SQOR: variants seen among roughly 807,000 people sequenced by gnomAD.
SQOR encodes sulfide:quinone oxidoreductase, mitochondrial.
A neutral mutation model predicts 48.6 loss-of-function variants in SQOR; 39 were observed. The observed-to-expected ratio is 0.80, with a 90% CI of 0.62 to 1.05. The LOEUF (loss-of-function observed/expected upper bound fraction) is 1.05. Ranked by LOEUF, SQOR falls within the 50% of genes least tolerant of loss-of-function variation. The pLI, the probability that SQOR is intolerant of heterozygous loss-of-function variation, is 0.00. For missense variants in SQOR, 561 were observed against 559.9 expected, an observed-to-expected ratio of 1.00 and a Z score of -0.02; for synonymous variants, 220 against 206.2, an observed-to-expected ratio of 1.07 and a Z score of -0.57.
intron 1 of SQOR, among the ~76,000 whole-genome samples, chr15:45,641,841 A>C (rs1296540843): frequency 6.6e-6 from 1 of 152,200 alleles, no homozygotes; most frequent in African/African-American, 2.4e-5. Flanking sequence ...ACAAGTGGAT[A>C]TAATGTCATC....
rs1454160108 is a variant in SQOR, at chr15:45,665,774, G to A, written c.405+3649G>A. Among the ~76,000 whole-genome samples, 3 of 152,146 alleles carry A rather than the reference G, an allele frequency of 2.0e-5. 1 individual carries two copies. The highest frequency in any genetic ancestry group is 7.2e-5 in the African/African-American group (3 of 41,428). On this transcript the variant is annotated intron_variant, in intron 3 of 9. Coordinates refer to ENST00000260324, the MANE Select transcript of SQOR (RefSeq NM_021199.4). ...AATTTTTGTGTTTTTAGTAGAGACA[G>A]GGTTTTGCCATGTTGGCCAGGCTGG...
At chr15:45,661,540 C>G (rs1490517691) in intron 2 of SQOR, among the ~76,000 whole-genome samples, 1 of 152,116 alleles carries the variant, frequency 6.6e-6, no homozygotes, top group Non-Finnish European at 1.5e-5. Flanking sequence ...ACTTTCCAGA[C>G]TTACCACTGT....
At chr15:45,660,068 C>T (rs561189080) in intron 2 of SQOR, among the ~76,000 whole-genome samples, 2 of 152,288 alleles carry the variant, frequency 1.3e-5, no homozygotes, top group South Asian at 4.1e-4. Flanking sequence ...CTGAGTAAGG[C>T]GCTGTCTCAC....
At position 45,688,339 on chromosome 15, in the gene SQOR, G is replaced by T. The variant is rs376762969; in HGVS notation, c.1051G>T (p.Ala351Ser). Reference sequence around the variant, plus strand: ...TGACTTTCCCATTTCTCTTATAGCTGCCCAGTCAGGAATACTTGATAGGAC... The same window carrying T: ...TGACTTTCCCATTTCTCTTATAGCTTCCCAGTCAGGAATACTTGATAGGAC... ...PTSKTAAAVAAQSGILDRTIS... is the reference protein window; with the variant it reads ...PTSKTAAAVASQSGILDRTIS... The change falls in exon 8 of 10, where the codon GCC becomes TCC. Residue 351 changes from alanine (A) to serine (S), a missense_variant and splice_region_variant. By Grantham distance (99) the Ala-to-Ser change is moderately conservative. Transcript: ENST00000260324. The T allele has an allele frequency of 7.5e-6, 12 of 1,600,496 alleles. No homozygotes were observed. The African/African-American group carries it at 1.6e-4, about 22-fold the overall frequency.
chr15:45,676,120 C>T lies in SQOR; in HGVS notation c.674C>T (p.Ala225Val), dbSNP rs1398138598. ...TCTCAGACAGGGAAGCGATCCAAGG[C>T]CAATATCATTTTCAACACTTCTCTT... is the stretch of plus-strand genomic sequence containing the variant. ...YFRKTGKRSK[A>V]NIIFNTSLGA... Residue 225 changes from alanine (A) to valine (V), a missense_variant, in exon 6 of 10, where the codon GCC (alanine) becomes GTC (valine). Physicochemically the swap from Ala to Val is moderately conservative, Grantham distance 64. Transcript: ENST00000260324. 6.2e-7 allele frequency: 1 copy of T among 1,613,682 alleles called. No homozygotes were observed. The highest frequency in any genetic ancestry group is 1.3e-5 in the African/African-American group (1 of 74,802).
At position 45,669,293 on chromosome 15, in the gene SQOR, C is replaced by G. The variant is rs571753747; in HGVS notation, c.406-635C>G. Among the ~76,000 whole-genome samples, 16 of 152,088 alleles carry G rather than the reference C, an allele frequency of 1.1e-4. No homozygotes were observed. The South Asian group carries it at 2.9e-3, about 28-fold the overall frequency. ...CAAGCGATTCTCCCACTTCAGCCCCCCTGGGGACTACAGGTGCATGCCACC... is the reference window on the plus strand; with the variant it reads ...CAAGCGATTCTCCCACTTCAGCCCCGCTGGGGACTACAGGTGCATGCCACC... On this transcript the variant is annotated intron_variant, in intron 3 of 9. Coordinates refer to ENST00000260324, the MANE Select transcript of SQOR (RefSeq NM_021199.4).
intron 1 of SQOR, among the ~76,000 whole-genome samples, chr15:45,640,581 A>T (rs962481019): frequency 6.6e-6 from 1 of 152,220 alleles, no homozygotes; most frequent in African/African-American, 2.4e-5. Flanking sequence ...TAGCAAATGT[A>T]TACCTTGAAA....
At chr15:45,648,592 G>T (rs1486054912) in intron 1 of SQOR, among the ~76,000 whole-genome samples, 1 of 152,142 alleles carries the variant, frequency 6.6e-6, no homozygotes, top group Non-Finnish European at 1.5e-5. Flanking sequence ...AATTAAATAC[G>T]CCCAGAAAGC....
intron 8 of SQOR, 119 bp downstream of exon 8, chr15:45,688,523 T>G: frequency 1.3e-6 from 1 of 787,176 alleles, no homozygotes; most frequent in South Asian, 2.0e-5. Context: ...TTCTTTTTTT[T>G]TTTTTTGAGA....
chr15:45,664,924 A>G (rs1889786925), intron 3 of SQOR, among the ~76,000 whole-genome samples: 1 of 152,116 alleles, frequency 6.6e-6, no homozygotes, highest in African/African-American at 2.4e-5. Context: ...GACCAGACTG[A>G]ATTACACTCA....
At position 45,681,128 on chromosome 15, in the gene SQOR, A is replaced by G. The variant is rs574497815; in HGVS notation, c.865-1350A>G. Among the ~76,000 whole-genome samples the G allele has an allele frequency of 1.2e-4, 18 of 152,304 alleles. No homozygotes were observed. In the East Asian group the frequency reaches 3.3e-3, roughly 28 times the overall value. ...TGAGGCAGGAGGATTGCTTGAGCCC[A>G]GGGGTTCGAGGCTGTAGTGAGCTAT... On this transcript the variant is annotated intron_variant, in intron 6 of 9. Coordinates refer to ENST00000260324, the MANE Select transcript of SQOR (RefSeq NM_021199.4).
At position 45,682,506 on chromosome 15, in the gene SQOR, T is replaced by A. The variant is rs755505446; in HGVS notation, c.893T>A (p.Met298Lys). ...GAAATGCTTCATGTCACACCTCCAA[T>A]GAGCCCACCAGATGTCCTCAAGACC... ...SYEMLHVTPPMSPPDVLKTSP... is the reference protein window; with the variant it reads ...SYEMLHVTPPKSPPDVLKTSP... Residue 298 changes from methionine to lysine, a missense_variant, in exon 7 of 10, where the codon ATG becomes AAG. Transcript: ENST00000260324. 4.3e-6 allele frequency: 7 copies of A among 1,614,084 alleles called. No individual in the cohort carries two copies. Among genetic ancestry groups the A allele is most frequent in the Admixed American group, 3.3e-5 (2 of 60,006 alleles).
intron 5 of SQOR, among the ~76,000 whole-genome samples, chr15:45,675,633 C>T (rs1432854150): frequency 1.3e-5 from 2 of 152,100 alleles, no homozygotes; most frequent in Non-Finnish European, 2.9e-5. Flanking sequence ...CTCCTGACGT[C>T]AGGTGATCTG....
intron 1 of SQOR, among the ~76,000 whole-genome samples, chr15:45,636,185 A>G (rs1383352160): frequency 6.6e-6 from 1 of 152,176 alleles, no homozygotes; most frequent in Non-Finnish European, 1.5e-5. Context: ...AAAGGAAACC[A>G]ATTGCAAAAC....
intron 9 of SQOR, among the ~76,000 whole-genome samples, chr15:45,689,574 C>T (rs1412442490): frequency 1.3e-4 from 20 of 151,904 alleles, no homozygotes; most frequent in African/African-American, 2.7e-4. Context: ...CCTGCCACCA[C>T]GCCTGGCTAA....
chr15:45,638,879 G>A (rs760947497), intron 1 of SQOR, among the ~76,000 whole-genome samples: 1 of 152,180 alleles, frequency 6.6e-6, no homozygotes, highest in Non-Finnish European at 1.5e-5. Context: ...CACTGAGAAG[G>A]TGGCCATCTG....
chr15:45,655,016 T>C (rs1384386330), intron 1 of SQOR, among the ~76,000 whole-genome samples: 1 of 152,218 alleles, frequency 6.6e-6, no homozygotes, highest in Non-Finnish European at 1.5e-5. Context: ...GCCGCCATCT[T>C]GAACATGATT....
intron 1 of SQOR, among the ~76,000 whole-genome samples, chr15:45,652,206 A>G (rs954569460): frequency 6.6e-6 from 1 of 152,042 alleles, no homozygotes; most frequent in African/African-American, 2.4e-5. Context: ...AAAAAGCTGT[A>G]TGTTTCAGGC....
rs1170234908 is a variant in SQOR, at chr15:45,683,893, TTTG to T, written c.1048+1235_1048+1237del. On this transcript the variant is annotated intron_variant, in intron 7 of 9. Coordinates refer to ENST00000260324, the MANE Select transcript of SQOR (RefSeq NM_021199.4). ...GTGTGTACATATATATATATATATT[TTTG>T]TTTGTTTGTTTGTTTGTTTGTTTTT... 1.7e-3 allele frequency among the ~76,000 whole-genome samples: 105 copies of T among 62,496 alleles called. 1 individual carries two copies. The highest frequency in any genetic ancestry group is 5.1e-3 in the Non-Finnish European group (85 of 16,638). 41.0% of individuals were successfully genotyped at this position (62,496 alleles called of 152,430 possible). A position where few individuals can be genotyped will look rare whatever the true frequency, so the allele number is the denominator to read the frequency against.
Sources: allele counts gnomAD v4.1 joint callset (sites outside exome capture counted in the v4.1 genomes callset), GRCh38; gene constraint gnomAD v4.1.1; transcripts MANE v1.5; gene names NCBI Gene and HGNC (gene_info 2026-07-23, HGNC 2026-07-21).